The following HPS5 variants were observed in gnomAD, a reference collection of about 807,000 sequenced individuals.
HPS5 encodes the protein HPS5 biogenesis of lysosomal organelles complex 2 subunit 2, also known as BLOC-2 complex member HPS5.
In HPS5, 83 loss-of-function variants were observed where a neutral mutation model predicts 128.0. The observed-to-expected ratio is 0.65, with a 90% CI of 0.54 to 0.78. The LOEUF (loss-of-function observed/expected upper bound fraction) is 0.78. Ranked by LOEUF, HPS5 falls within the 30% of genes least tolerant of loss-of-function variation. HPS5 has a pLI of 0.00. For missense variants in HPS5, 1,281 were observed against 1,326.2 expected (o/e 0.97, Z 0.53); for synonymous variants, 475 against 470.2 (o/e 1.01, Z -0.13).
At position 18,300,842 on chromosome 11, in the gene HPS5, C is replaced by T; in HGVS notation, c.971G>A (p.Trp324Ter). Residue 324 changes from tryptophan (W) to a stop codon, truncating the protein, a stop_gained, in exon 9 of 23, where the codon TGG becomes TAG. Coordinates refer to ENST00000349215, the MANE Select transcript of HPS5 (RefSeq NM_181507.2). LOFTEE classifies it high-confidence loss of function. ...FIPQNVQVLL[W>*]SEVKDIQDVA... ...AATATAATTACCTTTGACTTCACTCCAAAGAAGAACTTGAACATTCTGAGG... is the reference window on the plus strand; with the variant it reads ...AATATAATTACCTTTGACTTCACTCTAAAGAAGAACTTGAACATTCTGAGG... 1 of 1,567,968 alleles carries T rather than the reference C, an allele frequency of 6.4e-7. No homozygotes were observed. Among genetic ancestry groups the T allele is most frequent in the Non-Finnish European group, 8.8e-7 (1 of 1,138,458 alleles).
chr11:18,289,766 T>G (rs570924705), intron 16 of HPS5, among the ~76,000 whole-genome samples: 19 of 152,334 alleles, frequency 1.2e-4, no homozygotes, highest in African/African-American at 4.3e-4. Flanking sequence ...TGGCATCTGT[T>G]ATTCAAGTAG....
chr11:18,305,542 C>A, intron 7 of HPS5, 49 bp from the exon 8 acceptor site: 1 of 1,390,442 alleles, frequency 7.2e-7, no homozygotes, highest in African/African-American at 1.4e-5. Context: ...AAAAGTATAA[C>A]ATAAAATTAC....
At chr11:18,291,199 ACT>A (rs1408687945) in intron 16 of HPS5, among the ~76,000 whole-genome samples, 3 of 152,096 alleles carry the variant, frequency 2.0e-5, no homozygotes, top group Admixed American at 6.5e-5. Flanking sequence ...ACAGAATGAA[ACT>A]CTGTCTCAAA....
chr11:18,288,975 A>C (rs1860074194), intron 16 of HPS5, among the ~76,000 whole-genome samples: 2 of 151,550 alleles, frequency 1.3e-5, no homozygotes, highest in Admixed American at 6.6e-5. Flanking sequence ...GTCTTGCTAC[A>C]TTGCATAGGC....
intron 9 of HPS5, among the ~76,000 whole-genome samples, 181 bp downstream of exon 9, chr11:18,300,647 A>G (rs1861587949): frequency 6.7e-6 from 1 of 150,040 alleles, no homozygotes; most frequent in Non-Finnish European, 1.5e-5. Context: ...CCGTGAGCCA[A>G]GATCGCACCA....
rs200791271 is a variant in HPS5, at chr11:18,310,428, ATATCT to A, written c.477+308_477+312del. On this transcript the variant is annotated intron_variant, in intron 5 of 22. Transcript: ENST00000349215. ...CTTTATTCACACCAATAATAAATAG[ATATCT>A]TTTCTTTCTTAATAGCCTTATACTA... Among the ~76,000 whole-genome samples the A allele has an allele frequency of 6.1e-3, 930 of 152,344 alleles. 32 individuals are homozygous for A. Among genetic ancestry groups the A allele is most frequent in the Admixed American group, 0.056 (850 of 15,294 alleles).
At chr11:18,302,302 T>A (rs1296333106) in intron 8 of HPS5, among the ~76,000 whole-genome samples, 1 of 152,196 alleles carries the variant, frequency 6.6e-6, no homozygotes, top group African/African-American at 2.4e-5. Flanking sequence ...CCACTGGTAA[T>A]CTCCACTTCC....
Position 18,298,814 on chromosome 11 carries a change from T to C in HPS5, c.1142A>G (p.Gln381Arg). 6.2e-7 allele frequency: 1 copy of C among 1,614,192 alleles called. No individual in the cohort carries two copies. Among genetic ancestry groups the C allele is most frequent in the South Asian group, 1.1e-5 (1 of 91,088 alleles). Residue 381 changes from glutamine (Q) to arginine (R), a missense_variant, in exon 10 of 23, where the codon CAA becomes CGA. Coordinates refer to ENST00000349215, the MANE Select transcript of HPS5 (RefSeq NM_181507.2). ...NLAARTCCLF[Q>R]NSVIASRARK... Reference sequence around the variant, plus strand: ...CACTCTGCTGGCAATGACAGAATTTTGGAAAAGACAGCATGTACGAGCAGC... The same window carrying C: ...CACTCTGCTGGCAATGACAGAATTTCGGAAAAGACAGCATGTACGAGCAGC...
At chr11:18,284,766 C>T (rs1859479325) in intron 20 of HPS5, among the ~76,000 whole-genome samples, 1 of 152,178 alleles carries the variant, frequency 6.6e-6, no homozygotes, top group South Asian at 2.1e-4. Flanking sequence ...AGATTATAAT[C>T]CAGTTGGAGC....
intron 8 of HPS5, among the ~76,000 whole-genome samples, chr11:18,303,781 G>A (rs749016833): frequency 1.3e-5 from 2 of 151,746 alleles, no homozygotes; most frequent in South Asian, 4.2e-4. Context: ...TAGAACCTGG[G>A]AGGCAGAGGC....
At chr11:18,288,806 C>T (rs1252063391) in intron 16 of HPS5, among the ~76,000 whole-genome samples, 1 of 150,916 alleles carries the variant, frequency 6.6e-6, no homozygotes, top group Non-Finnish European at 1.5e-5. Flanking sequence ...CCTGTGTGCA[C>T]ACATGCGCAC....
rs1294748212 is a variant in HPS5 at position 18,279,815 on chromosome 11, C to T, written c.*67G>A. 8.9e-6 allele frequency: 13 copies of T among 1,465,858 alleles called. No individual in the cohort carries two copies. Among genetic ancestry groups the T allele is most frequent in the Non-Finnish European group, 1.1e-5 (12 of 1,046,132 alleles). The allele number at this position is 1,465,858 out of a possible 1,614,324, so 90.8% of individuals were successfully genotyped here. On this transcript the variant is annotated 3_prime_UTR_variant, in exon 23 of 23. Transcript: ENST00000349215. The stretch of plus-strand genomic sequence containing the variant: ...TCTTTCCTTCAATAACAAATGCGTT[C>T]AGAAGGTTCAGGAGCATGATTTAGT...
At chr11:18,297,853 G>A (rs1861259146) in intron 10 of HPS5, 136 bp from the exon 11 acceptor site, 6 of 789,566 alleles carry the variant, frequency 7.6e-6, no homozygotes, top group Non-Finnish European at 1.3e-5. Flanking sequence ...GCCGAGGCGG[G>A]CAGATCCCCC....
rs950408575 is a variant in HPS5 at position 18,281,384 on chromosome 11, G to A, written c.3329+566C>T. 7.3e-5 allele frequency among the ~76,000 whole-genome samples: 11 copies of A among 150,598 alleles called. No homozygotes were observed. The East Asian group carries it at 1.8e-3, about 24-fold the overall frequency. On this transcript the variant is annotated intron_variant, in intron 22 of 22. Transcript: ENST00000349215. Reference sequence around the variant, plus strand: ...ACTGGGATTACAGGCATAAGCCACCGTACCCAGCCAGGTACCAGTAATTTT... The same window carrying A: ...ACTGGGATTACAGGCATAAGCCACCATACCCAGCCAGGTACCAGTAATTTT...
Position 18,285,385 on chromosome 11 carries a change from A to T in HPS5, c.2912T>A (p.Ile971Lys), listed in dbSNP as rs764938295. Reference sequence around the variant, plus strand: ...GATGTCTGTCATTTTCTCTTTGGTTATAAAATCTGCAGGAAGTTTAATTAG... The same window carrying T: ...GATGTCTGTCATTTTCTCTTTGGTTTTAAAATCTGCAGGAAGTTTAATTAG... ...LHLIKLPADF[I>K]TKEKMTDICR... Residue 971 changes from isoleucine to lysine, a missense_variant, in exon 20 of 23, where the codon ATA becomes AAA. Ile to Lys is a moderately radical substitution (Grantham distance 102). Coordinates refer to ENST00000349215, the MANE Select transcript of HPS5 (RefSeq NM_181507.2). 6.2e-7 allele frequency: 1 copy of T among 1,613,484 alleles called. No individual in the cohort carries two copies. Among genetic ancestry groups the T allele is most frequent in the Non-Finnish European group, 8.5e-7 (1 of 1,179,518 alleles).
rs143484579 is a variant in HPS5, at chr11:18,313,653, C to T, written c.109-1629G>A. On this transcript the variant is annotated intron_variant, in intron 2 of 22. Transcript: ENST00000349215. ...AATCCAGGCCAGGCGCAGTGGCTCACGCCTGTAATCCCAACACTTTGGGAG... is the reference window on the plus strand; with the variant it reads ...AATCCAGGCCAGGCGCAGTGGCTCATGCCTGTAATCCCAACACTTTGGGAG... 1.3e-4 allele frequency among the ~76,000 whole-genome samples: 20 copies of T among 152,258 alleles called. No homozygotes were observed. In the East Asian group the frequency reaches 2.9e-3, roughly 22 times the overall value.
At chr11:18,308,357 T>C (rs911746602) in intron 6 of HPS5, among the ~76,000 whole-genome samples, 2 of 152,238 alleles carry the variant, frequency 1.3e-5, no homozygotes, top group Non-Finnish European at 2.9e-5. Context: ...GACTTCCTGC[T>C]TTCCCATCTA....
intron 19 of HPS5, 26 bp downstream of exon 19, chr11:18,286,565 A>C (rs1564930901): frequency 1.9e-6 from 3 of 1,612,112 alleles, no homozygotes; most frequent in Non-Finnish European, 1.7e-6. Flanking sequence ...AAAGAAAAAA[A>C]CAAAGAAAGA....
chr11:18,309,594 T>A (rs1164651179), intron 5 of HPS5, among the ~76,000 whole-genome samples: 2 of 152,202 alleles, frequency 1.3e-5, no homozygotes, highest in African/African-American at 4.8e-5. Context: ...CAAAATAAGT[T>A]TACTAGGGTT....
Sources: allele counts gnomAD v4.1 joint callset (sites outside exome capture counted in the v4.1 genomes callset), GRCh38; gene constraint gnomAD v4.1.1; transcripts MANE v1.5; gene names NCBI Gene and HGNC (gene_info 2026-07-23, HGNC 2026-07-21).